MN1: variants seen among roughly 807,000 people sequenced by gnomAD.
MN1 encodes the protein MN1 proto-oncogene, transcriptional regulator, also known as transcriptional activator MN1.
Under a neutral mutation model 86.9 loss-of-function variants are expected in MN1, and 19 were observed. That is an observed-to-expected ratio of 0.22 (90% CI 0.15 to 0.32). The LOEUF is 0.32. Ranked by LOEUF, MN1 falls within the 10% of genes least tolerant of loss-of-function variation. The probability of loss-of-function intolerance (pLI) is 1.00; values close to 1 mark genes in which losing one functional copy is unlikely to be tolerated. For missense variants in MN1, 1,841 were observed against 1,862.0 expected, an observed-to-expected ratio of 0.99 and a Z score of 0.21; for synonymous variants, 928 against 849.6, an observed-to-expected ratio of 1.09 and a Z score of -1.60.
In MN1 at chr22:27,798,786, C is replaced by G. The variant is rs1329427475; in HGVS notation, c.1758G>C (p.Gln586His). ...AQLGHPGDVG[Q>H]GGLVHGGPVG... ...CCGGGCCGCCATGCACCAGGCCGCC[C>G]TGGCCCACGTCCCCGGGGTGGCCTA... The change falls in exon 1 of 2, where the codon CAG (glutamine) becomes CAC (histidine). Residue 586 changes from glutamine to histidine, a missense_variant. Gln to His is a conservative substitution (Grantham distance 24). Coordinates refer to ENST00000302326, the MANE Select transcript of MN1 (RefSeq NM_002430.3). 6.5e-7 allele frequency: 1 copy of G among 1,535,330 alleles called. No individual in the cohort carries two copies. Among genetic ancestry groups the G allele is most frequent in the East Asian group, 2.4e-5 (1 of 40,882 alleles).
chr22:27,797,078 G>A lies in MN1; in HGVS notation c.3466C>T (p.Leu1156Phe), dbSNP rs1933309984. 6.2e-7 allele frequency: 1 copy of A among 1,611,178 alleles called. No individual in the cohort carries two copies. Among genetic ancestry groups the A allele is most frequent in the Non-Finnish European group, 8.5e-7 (1 of 1,179,240 alleles). Residue 1156 changes from leucine (L) to phenylalanine (F), a missense_variant, in exon 1 of 2, where the codon CTT becomes TTT. By Grantham distance (22) the Leu-to-Phe change is conservative. Transcript: ENST00000302326. ...CTCTGTAGCTGGATCTGCGCCTGAAGGATCTCCAGGGGGTGGATCTCGTCG... is the reference window on the plus strand; with the variant it reads ...CTCTGTAGCTGGATCTGCGCCTGAAAGATCTCCAGGGGGTGGATCTCGTCG... ...PPDEIHPLEI[L>F]QAQIQLQRQQ...
intron 1 of MN1, among the ~76,000 whole-genome samples, chr22:27,773,427 G>A (rs5997302): frequency 2.0e-5 from 3 of 152,334 alleles, no homozygotes; most frequent in East Asian, 1.9e-4. Context: ...TGCTTCAGGC[G>A]ACTCCAAACC....
intron 1 of MN1, among the ~76,000 whole-genome samples, chr22:27,786,074 C>T (rs1933128850): frequency 6.6e-6 from 1 of 152,230 alleles, no homozygotes; most frequent in Non-Finnish European, 1.5e-5. Context: ...ACGAGATGAG[C>T]GAGGAATTAA....
In MN1 at chr22:27,799,969, G is replaced by C. The variant is rs1388104292; in HGVS notation, c.575C>G (p.Pro192Arg). 6.2e-7 allele frequency: 1 copy of C among 1,603,350 alleles called. No homozygotes were observed. The change falls in exon 1 of 2, where the codon CCG (proline) becomes CGG (arginine). Residue 192 changes from proline to arginine, a missense_variant. By Grantham distance (103) the Pro-to-Arg change is moderately radical. Coordinates refer to ENST00000302326, the MANE Select transcript of MN1 (RefSeq NM_002430.3). ...SSHAVPAPCL[P>R]LDQSPNRAAS... The stretch of plus-strand genomic sequence containing the variant: ...GGCTCGGTTAGGGCTCTGGTCCAGC[G>C]GCAGGCATGGGGCCGGCACGGCGTG...
intron 1 of MN1, among the ~76,000 whole-genome samples, chr22:27,795,805 C>T (rs2146314520): frequency 6.6e-6 from 1 of 152,214 alleles, no homozygotes; most frequent in Middle Eastern, 3.4e-3. Context: ...GCAACCCAGT[C>T]ATCCTTAGGT....
chr22:27,785,746 G>GC (rs35117962), intron 1 of MN1, among the ~76,000 whole-genome samples: 14,929 of 134,816 alleles, frequency 0.11, 1,515 homozygotes, highest in African/African-American at 0.28. Context: ...TAACAGGTGT[G>GC]CCCCCCCCCC....
At chr22:27,761,293 C>T (rs1932832920) in intron 1 of MN1, among the ~76,000 whole-genome samples, 1 of 151,284 alleles carries the variant, frequency 6.6e-6, no homozygotes, top group South Asian at 2.1e-4. Context: ...TCTCTCTCTC[C>T]CTCTCTCTTA....
rs1000722386 is a variant in MN1, at chr22:27,799,170, G to A, written c.1374C>T (p.Arg458=). 9 of 1,606,848 alleles carry A rather than the reference G, an allele frequency of 5.6e-6. No individual in the cohort carries two copies. Among genetic ancestry groups the A allele is most frequent in the African/African-American group, 1.3e-5 (1 of 74,832 alleles). ...CTCCCGCGCTGCCCGGAAAGTCGAA[G>A]CGCGGCCTCTTGGCCACGTTCATGT... ...PPYMNVAKRP[R]FDFPGSAGVD... is the part of the protein sequence containing the mutation. Residue 458 remains arginine, a synonymous_variant, in exon 1 of 2, where the codon CGC becomes CGT. Coordinates refer to ENST00000302326, the MANE Select transcript of MN1 (RefSeq NM_002430.3).
chr22:27,782,245 C>T (rs1030699420), intron 1 of MN1, among the ~76,000 whole-genome samples: 23 of 152,178 alleles, frequency 1.5e-4, no homozygotes, highest in Non-Finnish European at 3.1e-4. Context: ...ATATAATCCT[C>T]CCCTCCCTTC....
intron 1 of MN1, among the ~76,000 whole-genome samples, chr22:27,792,126 CAT>C (rs1366654632): frequency 6.6e-6 from 1 of 151,996 alleles, no homozygotes; most frequent in Non-Finnish European, 1.5e-5. Context: ...TATCAGGAAT[CAT>C]AGAATTTCCT....
In MN1 at chr22:27,783,879, C is replaced by T. The variant is rs114980887; in HGVS notation, c.3781+12884G>A. 7.2e-3 allele frequency among the ~76,000 whole-genome samples: 1,090 copies of T among 152,310 alleles called. 19 individuals are homozygous for T. Among genetic ancestry groups the T allele is most frequent in the African/African-American group, 0.025 (1,051 of 41,578 alleles). ...TCCGAATATCTCCACGTACACACAC[C>T]CAGGCAGGGAAAACTGGGTCAGCAG... is the stretch of plus-strand genomic sequence containing the variant. On this transcript the variant is annotated intron_variant, in intron 1 of 1. Coordinates refer to ENST00000302326, the MANE Select transcript of MN1 (RefSeq NM_002430.3).
intron 1 of MN1, among the ~76,000 whole-genome samples, chr22:27,758,059 C>G (rs1466706828): frequency 1.3e-5 from 2 of 152,116 alleles, no homozygotes; most frequent in Non-Finnish European, 2.9e-5. Flanking sequence ...TACACACTGC[C>G]CTCCAAACCT....
At chr22:27,789,428 G>A (rs1166261251) in intron 1 of MN1, among the ~76,000 whole-genome samples, 1 of 152,130 alleles carries the variant, frequency 6.6e-6, no homozygotes, top group African/African-American at 2.4e-5. Flanking sequence ...CAAACATTTT[G>A]GGGGAGTCCA....
At chr22:27,796,660 T>C in intron 1 of MN1, 103 bp downstream of exon 1, 1 of 1,197,138 alleles carries the variant, frequency 8.4e-7, no homozygotes, top group South Asian at 1.5e-5. Flanking sequence ...GGAGGGTTTG[T>C]GCCCTCCAAA....
In MN1 at chr22:27,798,724, C is replaced by T; in HGVS notation, c.1820G>A (p.Gly607Asp). 6.5e-7 allele frequency: 1 copy of T among 1,535,556 alleles called. No individual in the cohort carries two copies. Among genetic ancestry groups the T allele is most frequent in the South Asian group, 1.2e-5 (1 of 84,050 alleles). Residue 607 changes from glycine (G) to aspartate (D), a missense_variant, in exon 1 of 2, where the codon GGC becomes GAC. Coordinates refer to ENST00000302326, the MANE Select transcript of MN1 (RefSeq NM_002430.3). ...GLAQPNFERE[G>D]GSTGAGRLGT... ...CAGACGCCCGGCGCCCGTGCTGCCG[C>T]CTTCGCGCTCAAAGTTCGGCTGGGC...
At chr22:27,764,257 G>A (rs1208735915) in intron 1 of MN1, among the ~76,000 whole-genome samples, 1 of 152,202 alleles carries the variant, frequency 6.6e-6, no homozygotes, top group Non-Finnish European at 1.5e-5. Flanking sequence ...GCCCCTTATT[G>A]AGAACCAAGT....
At chr22:27,779,673 ATAACTG>A (rs1353046297) in intron 1 of MN1, among the ~76,000 whole-genome samples, 1 of 152,142 alleles carries the variant, frequency 6.6e-6, no homozygotes, top group Non-Finnish European at 1.5e-5. Context: ...TGGGTGTTTA[ATAACTG>A]TAGCTTGTTA....
chr22:27,766,630 C>G (rs1198576372), intron 1 of MN1, among the ~76,000 whole-genome samples: 1 of 152,190 alleles, frequency 6.6e-6, no homozygotes. Context: ...AGTGCCTCTT[C>G]CTCCAAGGGC....
chr22:27,789,715 A>T (rs938680304), intron 1 of MN1, among the ~76,000 whole-genome samples: 7 of 152,240 alleles, frequency 4.6e-5, no homozygotes, highest in African/African-American at 1.7e-4. Flanking sequence ...AAATGCTCTA[A>T]GACCTCCAAA....
Sources: allele counts gnomAD v4.1 joint callset (sites outside exome capture counted in the v4.1 genomes callset), GRCh38; gene constraint gnomAD v4.1.1; transcripts MANE v1.5; gene names NCBI Gene and HGNC (gene_info 2026-07-23, HGNC 2026-07-21).